CACNA2D3: variants seen among roughly 807,000 people sequenced by gnomAD.
The protein encoded by CACNA2D3 is voltage-dependent calcium channel subunit alpha-2/delta-3.
In CACNA2D3, 60 loss-of-function variants were observed where a neutral mutation model predicts 160.6. The ratio of observed to expected loss-of-function variants is 0.37; its 90% CI spans 0.30 to 0.46. The LOEUF (loss-of-function observed/expected upper bound fraction) is 0.46. Ranked by LOEUF, CACNA2D3 falls within the 20% of genes least tolerant of loss-of-function variation. The pLI is 1.00. For missense variants in CACNA2D3, 1,205 were observed against 1,365.0 expected (o/e 0.88, Z 1.85); for synonymous variants, 558 against 492.9 (o/e 1.13, Z -1.75).
At chr3:54,502,658 C>T (rs1701312655) in intron 4 of CACNA2D3, among the ~76,000 whole-genome samples, 2 of 152,182 alleles carry the variant, frequency 1.3e-5, no homozygotes, top group South Asian at 4.1e-4. Flanking sequence ...GATAGATGGC[C>T]TGTATTTGAA....
intron 10 of CACNA2D3, chr3:54,632,200 G>A (rs1297719031): frequency 6.6e-6 from 1 of 152,206 alleles, no homozygotes; most frequent in African/African-American, 2.4e-5. Context: ...GAATACCAGG[G>A]ACTCAGCCAG....
chr3:54,794,158 T>C (rs1013707028), intron 13 of CACNA2D3, among the ~76,000 whole-genome samples: 5 of 152,146 alleles, frequency 3.3e-5, no homozygotes, highest in Non-Finnish European at 5.9e-5. Context: ...TTTTATTCTT[T>C]TTCTACATCA....
At chr3:54,197,924 C>G (rs115254078) in intron 2 of CACNA2D3, among the ~76,000 whole-genome samples, 2,461 of 152,268 alleles carry the variant, frequency 0.016, 91 homozygotes, top group African/African-American at 0.055. Flanking sequence ...TTAGAGACCA[C>G]TTGGGAGCTG....
At chr3:54,290,219 A>T (rs1359678865) in intron 2 of CACNA2D3, among the ~76,000 whole-genome samples, 1 of 152,200 alleles carries the variant, frequency 6.6e-6, no homozygotes, top group Non-Finnish European at 1.5e-5. Flanking sequence ...CAAGAAAAAA[A>T]CAAACAGCCC....
chr3:54,824,218 C>T (rs1703700976), intron 14 of CACNA2D3, among the ~76,000 whole-genome samples: 1 of 152,184 alleles, frequency 6.6e-6, no homozygotes, highest in South Asian at 2.1e-4. Flanking sequence ...CAAAGGCGAT[C>T]TACCAATCTT....
intron 4 of CACNA2D3, among the ~76,000 whole-genome samples, chr3:54,464,294 C>T (rs913672561): frequency 6.6e-5 from 10 of 152,172 alleles, no homozygotes; most frequent in Non-Finnish European, 1.0e-4. Context: ...AACCACTGCT[C>T]TCTTCAAAGC....
chr3:54,656,315 A>G (rs901607176), intron 11 of CACNA2D3, among the ~76,000 whole-genome samples: 11 of 152,222 alleles, frequency 7.2e-5, no homozygotes, highest in Non-Finnish European at 1.3e-4. Context: ...TCTCCCAGTA[A>G]GTGGTTGGAT....
intron 4 of CACNA2D3, among the ~76,000 whole-genome samples, chr3:54,462,135 T>C (rs2106845555): frequency 6.6e-6 from 1 of 152,308 alleles, no homozygotes; most frequent in Middle Eastern, 3.4e-3. Context: ...CACTGTGGTC[T>C]GAGAGACAGC....
intron 9 of CACNA2D3, among the ~76,000 whole-genome samples, chr3:54,614,640 G>T (rs540323657): frequency 2.3e-4 from 35 of 152,146 alleles, no homozygotes; most frequent in Non-Finnish European, 4.9e-4. Flanking sequence ...AGAGATAATA[G>T]AGTGTAAATG....
chr3:54,182,488 A>G (rs1700801864), intron 2 of CACNA2D3, among the ~76,000 whole-genome samples: 1 of 152,232 alleles, frequency 6.6e-6, no homozygotes. Flanking sequence ...TATTGGGCAG[A>G]TGGGAACAGG....
rs558932436 is a variant in CACNA2D3, at chr3:55,073,626, C to G, written c.3100+69C>G. ...TAAGGGGTATCAGTGGTAAGGAAAC[C>G]TGGGGGAGAAATATTAGAGAAGGAA... On this transcript the variant is annotated intron_variant, in intron 36 of 37. Transcript: ENST00000474759. 2.2e-6 allele frequency: 3 copies of G among 1,346,240 alleles called. No homozygotes were observed. The East Asian group carries it at 6.9e-5, about 31-fold the overall frequency. 83.4% of individuals were successfully genotyped at this position (1,346,240 alleles called of 1,614,324 possible). A position where few individuals can be genotyped will look rare whatever the true frequency, so the allele number is the denominator to read the frequency against.
At chr3:54,749,856 A>G (rs535684821) in intron 11 of CACNA2D3, among the ~76,000 whole-genome samples, 2 of 152,338 alleles carry the variant, frequency 1.3e-5, no homozygotes, top group South Asian at 2.1e-4. Context: ...AAAATAACAT[A>G]CAAACCAATG....
chr3:54,756,490 A>G (rs184240635), intron 12 of CACNA2D3, among the ~76,000 whole-genome samples: 10 of 152,228 alleles, frequency 6.6e-5, no homozygotes, highest in Admixed American at 2.0e-4. Context: ...GCAGCATAAC[A>G]TTTTTCATCT....
At chr3:54,402,851 C>T (rs1277608294) in intron 4 of CACNA2D3, among the ~76,000 whole-genome samples, 1 of 152,186 alleles carries the variant, frequency 6.6e-6, no homozygotes, top group East Asian at 1.9e-4. Flanking sequence ...GCACGTGGAA[C>T]ATTCTCCAGG....
intron 4 of CACNA2D3, among the ~76,000 whole-genome samples, chr3:54,491,422 G>A (rs528668352): frequency 6.6e-6 from 1 of 152,360 alleles, no homozygotes; most frequent in South Asian, 2.1e-4. Flanking sequence ...AGCCACCCTT[G>A]AAAACATGGT....
chr3:54,537,005 G>A (rs761694838), intron 5 of CACNA2D3, among the ~76,000 whole-genome samples: 10 of 152,024 alleles, frequency 6.6e-5, no homozygotes, highest in Non-Finnish European at 1.3e-4. Context: ...TCGATAAATG[G>A]CTATCACTCC....
chr3:54,185,757 AAAAC>A (rs1424119233), intron 2 of CACNA2D3, among the ~76,000 whole-genome samples: 2 of 152,210 alleles, frequency 1.3e-5, no homozygotes, highest in Non-Finnish European at 2.9e-5. Context: ...TTTATTTACA[AAAAC>A]AAGCAGCAGT....
At chr3:54,889,162 G>A (rs1028429570) in intron 24 of CACNA2D3, among the ~76,000 whole-genome samples, 2 of 152,210 alleles carry the variant, frequency 1.3e-5, no homozygotes, top group African/African-American at 4.8e-5. Context: ...GATGTCAGAG[G>A]ATGAGGCTGC....
intron 13 of CACNA2D3, among the ~76,000 whole-genome samples, chr3:54,813,265 A>G (rs960499017): frequency 2.6e-5 from 4 of 152,158 alleles, no homozygotes; most frequent in African/African-American, 9.7e-5. Flanking sequence ...AAATGAGGAA[A>G]TAGACCCAGC....
Sources: gnomAD v4.1 joint callset for allele counts (sites outside exome capture counted in the v4.1 genomes callset) on GRCh38, gnomAD v4.1.1 for gene constraint, MANE v1.5 for transcripts, NCBI Gene and HGNC (gene_info 2026-07-23, HGNC 2026-07-21) for gene names.